The following AGBL4 variants were observed in gnomAD, a reference collection of about 807,000 sequenced individuals.
The protein encoded by AGBL4 is cytosolic carboxypeptidase 6.
Under a neutral mutation model 66.4 loss-of-function variants are expected in AGBL4, and 58 were observed. That is an observed-to-expected ratio of 0.87 (90% CI 0.71 to 1.09). The LOEUF is 1.09. AGBL4 is among the 50% of genes least tolerant of loss of function. AGBL4 has a pLI of 0.00. For synonymous variants in AGBL4, 234 were observed against 222.9 expected, an observed-to-expected ratio of 1.05 and a Z score of -0.44; for missense variants, 579 against 631.0, an observed-to-expected ratio of 0.92 and a Z score of 0.88.
At chr1:49,302,814 C>T (rs1644778898) in intron 3 of AGBL4, among the ~76,000 whole-genome samples, 1 of 151,768 alleles carries the variant, frequency 6.6e-6, no homozygotes, top group African/African-American at 2.4e-5. Context: ...GATGTTCTCC[C>T]TCCCCCTGCC....
At chr1:49,934,677 C>T (rs549801735) in intron 1 of AGBL4, among the ~76,000 whole-genome samples, 1 of 151,908 alleles carries the variant, frequency 6.6e-6, no homozygotes, top group Non-Finnish European at 1.5e-5. Flanking sequence ...CACTTTAGAC[C>T]AATAAATACC....
chr1:49,980,679 T>C (rs1658987624), intron 1 of AGBL4, among the ~76,000 whole-genome samples: 1 of 152,200 alleles, frequency 6.6e-6, no homozygotes, highest in African/African-American at 2.4e-5. Flanking sequence ...CCAATGAACA[T>C]TTGGATAGCT....
chr1:48,628,647 A>G (rs1645543380), intron 9 of AGBL4, among the ~76,000 whole-genome samples: 1 of 152,052 alleles, frequency 6.6e-6, no homozygotes, highest in Non-Finnish European at 1.5e-5. Flanking sequence ...CTGCACACCA[A>G]GCCCAGAAGC....
At chr1:49,964,406 A>C (rs1657380230) in intron 1 of AGBL4, among the ~76,000 whole-genome samples, 2 of 152,172 alleles carry the variant, frequency 1.3e-5, no homozygotes, top group African/African-American at 2.4e-5. Context: ...GCCTTAACGT[A>C]GTACCTGAAG....
chr1:49,289,177 A>G (rs1372376697), intron 3 of AGBL4, among the ~76,000 whole-genome samples: 1 of 152,204 alleles, frequency 6.6e-6, no homozygotes, highest in Non-Finnish European at 1.5e-5. Flanking sequence ...CAACTAGAAT[A>G]TAAAGAATTA....
chr1:49,829,572 T>G (rs1368030954), intron 2 of AGBL4, among the ~76,000 whole-genome samples: 16 of 152,188 alleles, frequency 1.1e-4, no homozygotes. Flanking sequence ...TAGTGACATT[T>G]CCATTTTTAC....
chr1:49,539,507 G>T (rs1651846559), intron 3 of AGBL4, among the ~76,000 whole-genome samples: 1 of 151,982 alleles, frequency 6.6e-6, no homozygotes, highest in Admixed American at 6.6e-5. Flanking sequence ...TTCTGTTTTG[G>T]CTGTATCCTC....
At chr1:49,085,292 A>G (rs1326655404) in intron 4 of AGBL4, among the ~76,000 whole-genome samples, 2 of 151,532 alleles carry the variant, frequency 1.3e-5, no homozygotes, top group Non-Finnish European at 2.9e-5. Flanking sequence ...CATCATCATC[A>G]TCATCATCAT....
At chr1:48,769,525 A>AG in intron 6 of AGBL4, among the ~76,000 whole-genome samples, 1 of 119,832 alleles carries the variant, frequency 8.3e-6, no homozygotes, top group South Asian at 2.9e-4. Context: ...GGAGGATTTA[A>AG]AACACACACA....
At chr1:49,680,107 G>A (rs1043307488) in intron 3 of AGBL4, among the ~76,000 whole-genome samples, 2 of 138,478 alleles carry the variant, frequency 1.4e-5, no homozygotes, top group African/African-American at 5.5e-5. Context: ...CTGGAGTGCA[G>A]TGGTGCGCTC....
chr1:49,419,997 C>G lies in AGBL4; in HGVS notation c.283-174133G>C, dbSNP rs1305254852. On this transcript the variant is annotated intron_variant, in intron 3 of 13. Coordinates refer to ENST00000371839, the MANE Select transcript of AGBL4 (RefSeq NM_032785.4). The stretch of plus-strand genomic sequence containing the variant: ...AGCCCCTGTAGCAGGTTTAAAGAAC[C>G]AGGATCTGTGTTTTAACAGGATGCC... Among the ~76,000 whole-genome samples, 7 of 152,248 alleles carry G rather than the reference C, an allele frequency of 4.6e-5. No individual in the cohort carries two copies. In the South Asian group the frequency reaches 1.2e-3, roughly 27 times the overall value.
chr1:49,133,704 T>C (rs920724756), intron 4 of AGBL4, among the ~76,000 whole-genome samples: 2 of 152,082 alleles, frequency 1.3e-5, no homozygotes, highest in Non-Finnish European at 2.9e-5. Context: ...TCTTCTTTGG[T>C]TCGGTAATAT....
chr1:48,986,947 A>C (rs1660223320), intron 5 of AGBL4, among the ~76,000 whole-genome samples: 12 of 152,094 alleles, frequency 7.9e-5, no homozygotes, highest in Admixed American at 7.9e-4. Context: ...CAAACCCTAC[A>C]TAAGCTACAA....
intron 3 of AGBL4, among the ~76,000 whole-genome samples, chr1:49,531,987 T>C (rs150990147): frequency 6.7e-4 from 102 of 152,218 alleles, no homozygotes; most frequent in Non-Finnish European, 1.2e-3. Flanking sequence ...ATTTTGACTT[T>C]AGTAACTCTC....
chr1:48,983,691 A>G (rs1444888687), intron 5 of AGBL4, among the ~76,000 whole-genome samples: 2 of 152,182 alleles, frequency 1.3e-5, no homozygotes, highest in Non-Finnish European at 2.9e-5. Flanking sequence ...GGTTCTGGTC[A>G]TGGTTCAGCC....
intron 3 of AGBL4, among the ~76,000 whole-genome samples, chr1:49,326,335 C>G (rs1294377984): frequency 6.6e-6 from 1 of 152,184 alleles, no homozygotes; most frequent in African/African-American, 2.4e-5. Flanking sequence ...ATTGAAAGGT[C>G]ATACCTATTT....
At chr1:48,846,701 A>G (rs2148803363) in intron 6 of AGBL4, among the ~76,000 whole-genome samples, 1 of 152,322 alleles carries the variant, frequency 6.6e-6, no homozygotes, top group African/African-American at 2.4e-5. Context: ...ATAAGGGAAT[A>G]GTGAGTGGCT....
intron 4 of AGBL4, among the ~76,000 whole-genome samples, chr1:49,185,381 A>T (rs1646998256): frequency 6.6e-6 from 1 of 152,234 alleles, no homozygotes; most frequent in South Asian, 2.1e-4. Context: ...AGGGATCCAC[A>T]AAACTCTGGC....
At chr1:48,595,309 C>A (rs319965) in intron 9 of AGBL4, among the ~76,000 whole-genome samples, 56,453 of 151,924 alleles carry the variant, frequency 0.37, 10,899 homozygotes, top group South Asian at 0.51. Context: ...GACCAGAACA[C>A]GGCCTGGTAT....
Sources: allele counts gnomAD v4.1 joint callset (sites outside exome capture counted in the v4.1 genomes callset), GRCh38; gene constraint gnomAD v4.1.1; transcripts MANE v1.5; gene names NCBI Gene and HGNC (gene_info 2026-07-23, HGNC 2026-07-21).